The following IGSF21 variants were observed in gnomAD, a reference collection of about 807,000 sequenced individuals.
IGSF21 encodes the protein immunoglobulin superfamily member 21.
Under a neutral mutation model 46.8 loss-of-function variants are expected in IGSF21, and 28 were observed. The ratio of observed to expected loss-of-function variants is 0.60; its 90% confidence interval spans 0.44 to 0.82. The LOEUF is 0.82. Ranked by LOEUF, IGSF21 falls within the 40% of genes least tolerant of loss-of-function variation. The pLI is 0.00. For synonymous variants in IGSF21, 284 were observed against 273.6 expected (o/e 1.04, Z -0.38); for missense variants, 624 against 665.5 (o/e 0.94, Z 0.69).
chr1:18,224,507 AC>A (rs1333602439), intron 1 of IGSF21, among the ~76,000 whole-genome samples: 1 of 152,040 alleles, frequency 6.6e-6, no homozygotes, highest in Non-Finnish European at 1.5e-5. Context: ...TCACCACTGG[AC>A]ATATTTTCCA....
intron 1 of IGSF21, among the ~76,000 whole-genome samples, chr1:18,144,098 G>C (rs2086443717): frequency 6.6e-6 from 1 of 152,186 alleles, no homozygotes; most frequent in South Asian, 2.1e-4. Flanking sequence ...GGGAATGTCA[G>C]TGTCTACTCT....
At chr1:18,148,476 A>G (rs2086491156) in intron 1 of IGSF21, among the ~76,000 whole-genome samples, 1 of 152,164 alleles carries the variant, frequency 6.6e-6, no homozygotes, top group African/African-American at 2.4e-5. Flanking sequence ...CTAATACAAC[A>G]CTGAAGCCCG....
Position 18,376,856 on chromosome 1 carries a change from G to A in IGSF21, c.1158G>A (p.Leu386=). The change falls in exon 8 of 10, where the codon CTG becomes CTA. Residue 386 remains leucine (L), a synonymous_variant. Coordinates refer to ENST00000251296, the MANE Select transcript of IGSF21 (RefSeq NM_032880.5). ...GGACGCGGGTTGGGAGCCGCCTCCT[G>A]GACGGCAGCGCTGAGTTCGACGGGA... ...FTWTRVGSRL[L]DGSAEFDGKE... The A allele has an allele frequency of 6.2e-7, 1 of 1,611,378 alleles. No individual in the cohort carries two copies. Among genetic ancestry groups the A allele is most frequent in the Non-Finnish European group, 8.5e-7 (1 of 1,177,856 alleles).
chr1:18,180,535 A>G (rs2086847375), intron 1 of IGSF21, among the ~76,000 whole-genome samples: 1 of 152,184 alleles, frequency 6.6e-6, no homozygotes, highest in Non-Finnish European at 1.5e-5. Context: ...AGACAGGTCC[A>G]AGGTTTGAGC....
intron 1 of IGSF21, among the ~76,000 whole-genome samples, chr1:18,122,276 T>C (rs186858377): frequency 9.7e-4 from 138 of 142,072 alleles, no homozygotes; most frequent in Admixed American, 1.8e-3. Flanking sequence ...CTCGGCTCAC[T>C]GCAACCTCCG....
chr1:18,357,119 G>C (rs974140662), intron 4 of IGSF21, among the ~76,000 whole-genome samples: 3 of 150,036 alleles, frequency 2.0e-5, no homozygotes, highest in African/African-American at 7.4e-5. Context: ...GAATAGAGAA[G>C]GAGATTGAGA....
chr1:18,349,192 T>C (rs935336587), intron 4 of IGSF21, among the ~76,000 whole-genome samples: 1 of 152,042 alleles, frequency 6.6e-6, no homozygotes, highest in Non-Finnish European at 1.5e-5. Flanking sequence ...CCCCGTGACT[T>C]AGGGAGTGAC....
At chr1:18,153,396 G>A (rs370516710) in intron 1 of IGSF21, among the ~76,000 whole-genome samples, 2 of 152,198 alleles carry the variant, frequency 1.3e-5, no homozygotes, top group Non-Finnish European at 2.9e-5. Context: ...TGGATGGAGC[G>A]GGGCTCAGAG....
At chr1:18,161,420 G>C (rs2086621507) in intron 1 of IGSF21, among the ~76,000 whole-genome samples, 1 of 152,108 alleles carries the variant, frequency 6.6e-6, no homozygotes, top group South Asian at 2.1e-4. Context: ...ATCGTGCCCT[G>C]TATTCTGAGC....
rs1279414086 is a variant in IGSF21, at chr1:18,195,947, C to T, written c.71-31951C>T. On this transcript the variant is annotated intron_variant, in intron 1 of 9. Transcript: ENST00000251296. The stretch of plus-strand genomic sequence containing the variant: ...GCTTCCCGGAAGAGGCAGCAGCCAG[C>T]GCAAGTGGCAGGTGCAGAGCCCTTG... Among the ~76,000 whole-genome samples the T allele has an allele frequency of 2.6e-5, 4 of 152,324 alleles. No individual in the cohort carries two copies. In the South Asian group the frequency reaches 6.2e-4, roughly 24 times the overall value.
intron 2 of IGSF21, among the ~76,000 whole-genome samples, chr1:18,279,427 T>C (rs2085136795): frequency 1.3e-5 from 2 of 152,188 alleles, no homozygotes; most frequent in Non-Finnish European, 2.9e-5. Context: ...GGCCTGCATA[T>C]GCTCTATCGT....
rs2085608883 is a variant in IGSF21, at chr1:18,322,147, C to T, written c.306-12745C>T. Among the ~76,000 whole-genome samples the T allele has an allele frequency of 6.6e-6, 1 of 152,172 alleles. No individual in the cohort carries two copies. Among genetic ancestry groups the T allele is most frequent in the South Asian group, 2.1e-4 (1 of 4,824 alleles). On this transcript the variant is annotated intron_variant, in intron 3 of 9. Coordinates refer to ENST00000251296, the MANE Select transcript of IGSF21 (RefSeq NM_032880.5). This position sits in a 1 kb window ranked among gnomAD's most constrained non-coding sequence, Gnocchi z 4.3. ...TGAATGAGATCAGTTTTCAGTGCCT[C>T]GCACAGGGTCTCGCACACAGGAGGT... is the stretch of plus-strand genomic sequence containing the variant.
chr1:18,222,666 A>G (rs541164081), intron 1 of IGSF21, among the ~76,000 whole-genome samples: 33 of 152,342 alleles, frequency 2.2e-4, no homozygotes, highest in African/African-American at 7.2e-4. Flanking sequence ...ACTCGATTCT[A>G]TCGACAGACT....
chr1:18,124,546 T>C (rs1275953997), intron 1 of IGSF21, among the ~76,000 whole-genome samples: 2 of 152,058 alleles, frequency 1.3e-5, no homozygotes, highest in Non-Finnish European at 2.9e-5. Context: ...TGAGGCTGCT[T>C]GGACTTCCCA....
At chr1:18,155,087 T>C (rs989275598) in intron 1 of IGSF21, among the ~76,000 whole-genome samples, 2 of 152,060 alleles carry the variant, frequency 1.3e-5, no homozygotes, top group Admixed American at 1.3e-4. Flanking sequence ...CCAGGATTTT[T>C]GTAGATTCTA....
intron 1 of IGSF21, among the ~76,000 whole-genome samples, chr1:18,188,992 A>G (rs2086930062): frequency 6.6e-6 from 1 of 152,158 alleles, no homozygotes; most frequent in African/African-American, 2.4e-5. Flanking sequence ...AGAGTCAGAG[A>G]TGAGCTGGCA....
intron 4 of IGSF21, among the ~76,000 whole-genome samples, chr1:18,343,201 C>T (rs1419517857): frequency 6.6e-6 from 1 of 152,202 alleles, no homozygotes; most frequent in African/African-American, 2.4e-5. Context: ...GGGCCAATGA[C>T]ACTGTACGTC....
intron 1 of IGSF21, among the ~76,000 whole-genome samples, chr1:18,226,745 G>T (rs2084571168): frequency 6.6e-6 from 1 of 152,212 alleles, no homozygotes; most frequent in Non-Finnish European, 1.5e-5. Context: ...TATTCAGCTT[G>T]CCTGCACAAT....
At chr1:18,115,271 C>G (rs1374309527) in intron 1 of IGSF21, 4 of 152,594 alleles carry the variant, frequency 2.6e-5, no homozygotes, top group African/African-American at 9.6e-5. Flanking sequence ...CACAGCCCCC[C>G]ACCACACACA....
Sources: gnomAD v4.1 joint callset for allele counts (sites outside exome capture counted in the v4.1 genomes callset) on GRCh38, gnomAD v4.1.1 for gene constraint, Gnocchi (gnomAD v3.1) non-coding constraint, MANE v1.5 for transcripts, NCBI Gene and HGNC (gene_info 2026-07-23, HGNC 2026-07-21) for gene names.